Variants in SYTL2 observed in about 807,000 individuals in gnomAD.
The protein encoded by SYTL2 is synaptotagmin like 2.
In SYTL2, 165 loss-of-function variants were observed where a neutral mutation model predicts 198.7. The ratio of observed to expected loss-of-function variants is 0.83; its 90% CI spans 0.73 to 0.94. The LOEUF is 0.94. Ranked by LOEUF, SYTL2 falls within the 40% of genes least tolerant of loss-of-function variation. The pLI is 0.00. For missense variants in SYTL2, 2,835 were observed against 2,582.8 expected, an observed-to-expected ratio of 1.10 and a Z score of -2.12; for synonymous variants, 966 against 917.7, an observed-to-expected ratio of 1.05 and a Z score of -0.95.
In SYTL2 at chr11:85,695,285, A is replaced by T. The variant is rs2083256258; in HGVS notation, c.6630T>A (p.Ala2210=). Residue 2210 remains alanine (A), a synonymous_variant, in exon 20 of 20, where the codon GCT becomes GCA. Coordinates refer to ENST00000359152, the MANE Select transcript of SYTL2 (RefSeq NM_206927.4). ...DWMDSTSEEV[A]LWEKMVNSPN... Reference sequence around the variant, plus strand: ...GGGAGTTTACCATCTTCTCCCAGAGAGCAACTTCCTCTGAAGTAGAGTCCA... The same window carrying T: ...GGGAGTTTACCATCTTCTCCCAGAGTGCAACTTCCTCTGAAGTAGAGTCCA... 1 of 1,612,662 alleles carries T rather than the reference A, an allele frequency of 6.2e-7. No homozygotes were observed. Among genetic ancestry groups the T allele is most frequent in the Admixed American group, 1.7e-5 (1 of 59,920 alleles).
intron 1 of SYTL2, among the ~76,000 whole-genome samples, chr11:85,789,182 G>A (rs980820879): frequency 1.3e-5 from 2 of 149,154 alleles, no homozygotes; most frequent in African/African-American, 4.9e-5. Flanking sequence ...CTGCAGCCTC[G>A]ACCTCCTGGG....
chr11:85,827,797 T>C, the SYTL2 span, among the ~76,000 whole-genome samples: 7 of 152,226 alleles, frequency 4.6e-5, no homozygotes, highest in African/African-American at 1.4e-4. Flanking sequence ...CAAGTCTGTG[T>C]TGATTCCCAC....
chr11:85,699,978 T>C (rs941009677), intron 17 of SYTL2, among the ~76,000 whole-genome samples: 2 of 152,198 alleles, frequency 1.3e-5, no homozygotes, highest in Non-Finnish European at 2.9e-5. Context: ...TCTATTCTTA[T>C]AGCACTATCA....
At chr11:85,700,405 C>T in intron 17 of SYTL2, 110 bp downstream of exon 17, 1 of 785,966 alleles carries the variant, frequency 1.3e-6, no homozygotes, top group Non-Finnish European at 2.1e-6. Flanking sequence ...CTATACGTTA[C>T]TAACTTGATA....
chr11:85,786,401 C>T (rs924722621), intron 1 of SYTL2, among the ~76,000 whole-genome samples: 2 of 152,112 alleles, frequency 1.3e-5, no homozygotes, highest in African/African-American at 4.8e-5. Flanking sequence ...CATATGCACA[C>T]ACACATTAGT....
Position 85,711,093 on chromosome 11 carries a change from T to C in SYTL2, c.5745+20A>G, listed in dbSNP as rs1047432902. 73 of 1,612,954 alleles carry C rather than the reference T, an allele frequency of 4.5e-5. No individual in the cohort carries two copies. The highest frequency in any genetic ancestry group is 6.1e-5 in the Non-Finnish European group (72 of 1,179,530). On this transcript the variant is annotated intron_variant, in intron 13 of 19. Coordinates refer to ENST00000359152, the MANE Select transcript of SYTL2 (RefSeq NM_206927.4). ...TCAGAGACGCGGAGAGATATTAATA[T>C]GGAGCCTTTGTTTACATACAGAAGA...
intron 16 of SYTL2, 57 bp downstream of exon 16, chr11:85,704,801 A>G: frequency 3.5e-6 from 5 of 1,444,804 alleles, no homozygotes; most frequent in Non-Finnish European, 4.8e-6. Flanking sequence ...GCTTTTTCCT[A>G]TACACTAGGT....
At chr11:85,843,324 T>C in the SYTL2 span, among the ~76,000 whole-genome samples, 7 of 152,092 alleles carry the variant, frequency 4.6e-5, no homozygotes, top group Non-Finnish European at 7.4e-5. Context: ...GCCAAGATCA[T>C]GCCACTGCAC....
chr11:85,760,097 T>C (rs191829020), intron 1 of SYTL2, among the ~76,000 whole-genome samples: 1 of 152,330 alleles, frequency 6.6e-6, no homozygotes, highest in East Asian at 1.9e-4. Context: ...TGTGCTTTTG[T>C]GGTTTGATCT....
intron 1 of SYTL2, among the ~76,000 whole-genome samples, chr11:85,796,292 TG>T (rs1396531180): frequency 6.6e-6 from 1 of 152,178 alleles, no homozygotes; most frequent in African/African-American, 2.4e-5. Context: ...ATTAAAAGGA[TG>T]ATTCACGTTA....
intron 1 of SYTL2, among the ~76,000 whole-genome samples, chr11:85,781,795 T>C (rs868587531): frequency 2.0e-4 from 30 of 152,296 alleles, no homozygotes; most frequent in African/African-American, 6.5e-4. Context: ...GTCTCATATC[T>C]AGGTCATGCT....
At chr11:85,710,895 A>G (rs2086139442) in intron 13 of SYTL2, among the ~76,000 whole-genome samples, 1 of 152,194 alleles carries the variant, frequency 6.6e-6, no homozygotes, top group Non-Finnish European at 1.5e-5. Context: ...ATCAACAACA[A>G]CAAAAAACCC....
Position 85,732,995 on chromosome 11 carries a change from A to C in SYTL2, c.1390+944T>G, listed in dbSNP as rs189576485. On this transcript the variant is annotated intron_variant, in intron 7 of 19. Coordinates refer to ENST00000359152, the MANE Select transcript of SYTL2 (RefSeq NM_206927.4). ...ATCCCCTGAGAGTGGTAAGACCTTCAAGACAAGGCTAGTTAGCAGGGAAAA... is the reference window on the plus strand; with the variant it reads ...ATCCCCTGAGAGTGGTAAGACCTTCCAGACAAGGCTAGTTAGCAGGGAAAA... 1.1e-3 allele frequency among the ~76,000 whole-genome samples: 172 copies of C among 152,324 alleles called. 1 individual carries two copies. The highest frequency in any genetic ancestry group is 3.3e-3 in the Admixed American group (51 of 15,302).
At chr11:85,713,117 G>A (rs556834068) in intron 12 of SYTL2, among the ~76,000 whole-genome samples, 4 of 152,170 alleles carry the variant, frequency 2.6e-5, no homozygotes, top group Non-Finnish European at 5.9e-5. Context: ...AAAGGAAACT[G>A]TAACATGTGC....
the SYTL2 span, among the ~76,000 whole-genome samples, chr11:85,826,982 TG>T: frequency 6.6e-6 from 1 of 152,202 alleles, no homozygotes; most frequent in Non-Finnish European, 1.5e-5. Context: ...CAGTCAGGAA[TG>T]GGCTCCTCCT....
At chr11:85,721,980 G>A (rs2088378699) in intron 8 of SYTL2, among the ~76,000 whole-genome samples, 1 of 152,040 alleles carries the variant, frequency 6.6e-6, no homozygotes, top group African/African-American at 2.4e-5. Flanking sequence ...GTGTTAGCTT[G>A]CTCCCCAAAA....
the SYTL2 span, among the ~76,000 whole-genome samples, chr11:85,840,306 G>C: frequency 5.6e-4 from 85 of 152,200 alleles, 3 homozygotes; most frequent in South Asian, 0.017. Context: ...GATCCCATTT[G>C]TCTGTCTTTG....
the SYTL2 span, among the ~76,000 whole-genome samples, chr11:85,847,376 TCCCCCCAC>T: frequency 1.3e-5 from 2 of 152,140 alleles, no homozygotes; most frequent in South Asian, 4.1e-4. Flanking sequence ...CAATAGTTAT[TCCCCCCAC>T]CCTTTTTTTT....
the SYTL2 span, among the ~76,000 whole-genome samples, chr11:85,845,295 T>A: frequency 6.9e-4 from 105 of 152,328 alleles, no homozygotes; most frequent in Non-Finnish European, 1.3e-3. Context: ...GTCCAACATC[T>A]GACCTCATGA....
Sources: allele counts gnomAD v4.1 joint callset (sites outside exome capture counted in the v4.1 genomes callset), GRCh38; gene constraint gnomAD v4.1.1; transcripts MANE v1.5; gene names NCBI Gene and HGNC (gene_info 2026-07-23, HGNC 2026-07-21).